The following FIRRM variants were observed in gnomAD, a reference collection of about 807,000 sequenced individuals.
FIRRM encodes the protein FIGNL1 interacting regulator of recombination and mitosis, also known as FIGNL1-interacting regulator of recombination and mitosis.
the FIRRM span, among the ~76,000 whole-genome samples, chr1:169,786,693 G>T: frequency 6.6e-6 from 1 of 152,170 alleles, no homozygotes; most frequent in African/African-American, 2.4e-5. Context: ...GAAGAATTTT[G>T]AGCTCTAGGA....
chr1:169,807,463 TTCTC>T, the FIRRM span, among the ~76,000 whole-genome samples: 2 of 152,200 alleles, frequency 1.3e-5, no homozygotes, highest in Non-Finnish European at 2.9e-5. Context: ...TTATTTAACA[TTCTC>T]TCTCATGCTA....
chr1:169,797,137 C>T, the FIRRM span, among the ~76,000 whole-genome samples: 3,543 of 152,300 alleles, frequency 0.023, 186 homozygotes, highest in East Asian at 0.22. Context: ...GTGCCTGACA[C>T]ATAGTAAGCA....
the FIRRM span, among the ~76,000 whole-genome samples, chr1:169,813,706 A>G: frequency 2.2e-4 from 33 of 152,358 alleles, no homozygotes; most frequent in East Asian, 6.2e-3. Context: ...GTCTTATAAA[A>G]AAGGAGACAT....
At chr1:169,853,196 C>T in the FIRRM span, 1 of 583,366 alleles carries the variant, frequency 1.7e-6, no homozygotes, top group Non-Finnish European at 3.0e-6. Context: ...CAGGAACTGC[C>T]TAGGTCCACA....
chr1:169,805,861 T>C, the FIRRM span: 3 of 624,348 alleles, frequency 4.8e-6, no homozygotes, highest in Non-Finnish European at 8.4e-6. Context: ...AAATAATTCT[T>C]TTGACACAAC....
chr1:169,828,907 C>G, the FIRRM span, among the ~76,000 whole-genome samples: 1 of 152,166 alleles, frequency 6.6e-6, no homozygotes, highest in South Asian at 2.1e-4. Flanking sequence ...CCATTTTAAT[C>G]TTAAAATGAC....
the FIRRM span, among the ~76,000 whole-genome samples, chr1:169,818,498 A>T: frequency 6.6e-6 from 1 of 152,226 alleles, no homozygotes; most frequent in Admixed American, 6.5e-5. Flanking sequence ...TTAAAACTGT[A>T]TTTCCCAGAA....
the FIRRM span, chr1:169,807,648 G>T: frequency 3.1e-6 from 2 of 644,046 alleles, no homozygotes; most frequent in Non-Finnish European, 4.7e-6. Context: ...AGGTAAACTG[G>T]GCACATCTTA....
the FIRRM span, among the ~76,000 whole-genome samples, chr1:169,794,264 A>G: frequency 5.8e-4 from 89 of 152,308 alleles, 1 homozygote; most frequent in South Asian, 3.7e-3. Context: ...AGCTTCCAGA[A>G]TAACTTCACT....
At chr1:169,807,708 T>C in the FIRRM span, 22 of 1,245,960 alleles carry the variant, frequency 1.8e-5, no homozygotes, top group Non-Finnish European at 2.2e-5. Flanking sequence ...TTAAATGTTC[T>C]ACAAGGTAGA....
At chr1:169,809,407 C>G in the FIRRM span, among the ~76,000 whole-genome samples, 5 of 152,142 alleles carry the variant, frequency 3.3e-5, no homozygotes, top group Admixed American at 2.0e-4. Flanking sequence ...GATTCATATT[C>G]TCAACACCAA....
the FIRRM span, chr1:169,804,249 A>G: frequency 6.8e-7 from 1 of 1,468,494 alleles, no homozygotes; most frequent in Non-Finnish European, 9.1e-7. Flanking sequence ...AGGTGAGTGA[A>G]GAAAACTTTC....
chr1:169,827,029 T>G, the FIRRM span: 11 of 1,603,382 alleles, frequency 6.9e-6, no homozygotes, highest in Non-Finnish European at 9.4e-6. Context: ...AATGAATGAG[T>G]TTTTTTTCTC....
chr1:169,836,642 A>G, the FIRRM span, among the ~76,000 whole-genome samples: 3 of 152,206 alleles, frequency 2.0e-5, no homozygotes, highest in Non-Finnish European at 2.9e-5. Flanking sequence ...GGAGCATGAT[A>G]AGATATCTGA....
At chr1:169,792,191 A>T in the FIRRM span, among the ~76,000 whole-genome samples, 1 of 152,232 alleles carries the variant, frequency 6.6e-6, no homozygotes, top group Non-Finnish European at 1.5e-5. Context: ...CCCCAACCTA[A>T]TATTTAGTGA....
the FIRRM span, chr1:169,795,804 A>G: frequency 1.0e-6 from 1 of 984,392 alleles, no homozygotes; most frequent in Non-Finnish European, 1.2e-6. Context: ...TTTTTTTTTG[A>G]CAAGTTCTCA....
the FIRRM span, chr1:169,802,564 C>T: frequency 1.1e-5 from 14 of 1,224,936 alleles, no homozygotes; most frequent in East Asian, 7.1e-5. Flanking sequence ...AAAGTTTTGT[C>T]TTGTCTTTTC....
the FIRRM span, among the ~76,000 whole-genome samples, chr1:169,825,606 A>G: frequency 3.9e-5 from 6 of 152,242 alleles, no homozygotes; most frequent in African/African-American, 1.4e-4. Flanking sequence ...GTGGAATTTC[A>G]TTACTATGTT....
the FIRRM span, chr1:169,798,921 A>G: frequency 7.5e-7 from 1 of 1,327,230 alleles, no homozygotes; most frequent in Admixed American, 2.1e-5. Flanking sequence ...TATCCTACTC[A>G]TTGTCTCAAC....
Sources: allele counts gnomAD v4.1 joint callset (sites outside exome capture counted in the v4.1 genomes callset), GRCh38; gene constraint gnomAD v4.1.1; transcripts MANE v1.5; gene names NCBI Gene and HGNC (gene_info 2026-07-23, HGNC 2026-07-21).